Variants in TBCD observed in about 807,000 individuals in gnomAD.
The protein encoded by TBCD is tubulin folding cofactor D.
In TBCD, 105 loss-of-function variants were observed where a neutral mutation model predicts 169.3. The observed-to-expected ratio is 0.62, with a 90% CI of 0.53 to 0.73. TBCD has a LOEUF of 0.73. TBCD is among the 30% of genes least tolerant of loss of function. TBCD has a pLI of 0.00. For missense variants in TBCD, 1,444 were observed against 1,600.1 expected (o/e 0.90, Z 1.66); for synonymous variants, 700 against 643.9 (o/e 1.09, Z -1.32).
At chr17:82,838,976 C>T (rs2054224689) in intron 13 of TBCD, 3 of 985,204 alleles carry the variant, frequency 3.0e-6, no homozygotes, top group Non-Finnish European at 3.6e-6. Flanking sequence ...AATTGTTCTC[C>T]TCCAAATCAA....
At chr17:82,900,366 G>C (rs1462585013) in intron 17 of TBCD, among the ~76,000 whole-genome samples, 1 of 152,198 alleles carries the variant, frequency 6.6e-6, no homozygotes, top group East Asian at 1.9e-4. Context: ...CTGAGTATTC[G>C]ATTGTGTGGA....
In TBCD at chr17:82,898,079, G is replaced by A. The variant is rs141250984; in HGVS notation, c.1650-2572G>A. Among the ~76,000 whole-genome samples, 540 of 148,948 alleles carry A rather than the reference G, an allele frequency of 3.6e-3. 2 individuals carry two copies. The highest frequency in any genetic ancestry group is 6.6e-3 in the Admixed American group (99 of 14,928). The stretch of plus-strand genomic sequence containing the variant: ...TGGTGTGAGCACATGGCATGGCTCT[G>A]GGTTTTGGTGTGAGCACACGGCATG... On this transcript the variant is annotated intron_variant, in intron 17 of 38. Coordinates refer to ENST00000355528, the MANE Select transcript of TBCD (RefSeq NM_005993.5).
At chr17:82,872,920 G>A (rs2057695292) in intron 14 of TBCD, among the ~76,000 whole-genome samples, 1 of 143,830 alleles carries the variant, frequency 7.0e-6, no homozygotes, top group Non-Finnish European at 1.5e-5. Context: ...CCGGCACCTC[G>A]TGGCCGACGG....
intron 11 of TBCD, among the ~76,000 whole-genome samples, chr17:82,809,491 C>T (rs4986110): frequency 0.37 from 55,852 of 152,054 alleles, 10,508 homozygotes; most frequent in Middle Eastern, 0.41. Flanking sequence ...GCCGCGTGTG[C>T]TCACTCGTCC....
chr17:82,819,466 C>T (rs998238115), intron 13 of TBCD, among the ~76,000 whole-genome samples: 12 of 152,192 alleles, frequency 7.9e-5, no homozygotes, highest in African/African-American at 2.9e-4. Flanking sequence ...CACACCACCA[C>T]GCCCAGCTAA....
chr17:82,828,973 A>G (rs1229373803), intron 13 of TBCD, among the ~76,000 whole-genome samples: 1 of 139,906 alleles, frequency 7.1e-6, no homozygotes. Context: ...GCATACCCAC[A>G]CAATCCCATA....
At chr17:82,764,349 A>G (rs1279060712) in intron 3 of TBCD, among the ~76,000 whole-genome samples, 3 of 152,184 alleles carry the variant, frequency 2.0e-5, no homozygotes, top group African/African-American at 7.2e-5. Flanking sequence ...AAAACTTCTT[A>G]CAAGGAGAAA....
intron 36 of TBCD, among the ~76,000 whole-genome samples, chr17:82,938,796 T>C (rs1023055602): frequency 1.6e-5 from 2 of 122,426 alleles, no homozygotes; most frequent in African/African-American, 5.7e-5. Context: ...ATTGCTTCCC[T>C]GATGAAAAGA....
At chr17:82,800,014 C>T (rs2050388854) in intron 8 of TBCD, among the ~76,000 whole-genome samples, 1 of 152,140 alleles carries the variant, frequency 6.6e-6, no homozygotes, top group African/African-American at 2.4e-5. Flanking sequence ...GCAGCTCCAG[C>T]CCCCATCCCC....
At chr17:82,757,449 T>C (rs1283806259) in intron 2 of TBCD, among the ~76,000 whole-genome samples, 3 of 151,992 alleles carry the variant, frequency 2.0e-5, no homozygotes, top group Admixed American at 6.6e-5. Context: ...GATGAAACCC[T>C]GTCTCTACTA....
At chr17:82,893,180 G>A (rs2059262465) in intron 16 of TBCD, 1 of 249,252 alleles carries the variant, frequency 4.0e-6, no homozygotes, top group South Asian at 5.6e-5. Context: ...TGTGGCATGG[G>A]GCTCAGGCCG....
chr17:82,889,999 G>A lies in TBCD; in HGVS notation c.1563+302G>A, dbSNP rs375874439. Among the ~76,000 whole-genome samples, 4 of 152,150 alleles carry A rather than the reference G, an allele frequency of 2.6e-5. No homozygotes were observed. Among genetic ancestry groups the A allele is most frequent in the African/African-American group, 9.7e-5 (4 of 41,450 alleles). On this transcript the variant is annotated intron_variant, in intron 16 of 38. Transcript: ENST00000355528. The surrounding 1 kb of genome is among the most constrained non-coding windows in gnomAD (Gnocchi z 5.3). ...GTCCCTGGGACCAGCCTGGCCTTGC[G>A]GGGACGCAGACCTGACCCCGCCTCA...
intron 34 of TBCD, among the ~76,000 whole-genome samples, chr17:82,934,258 G>A (rs994535327): frequency 2.0e-5 from 3 of 152,172 alleles, no homozygotes; most frequent in Non-Finnish European, 2.9e-5. Flanking sequence ...CTTAACCTTC[G>A]GGCGGGAGGC....
At chr17:82,791,657 G>C (rs2049738828) in intron 7 of TBCD, among the ~76,000 whole-genome samples, 1 of 152,194 alleles carries the variant, frequency 6.6e-6, no homozygotes, top group Non-Finnish European at 1.5e-5. Context: ...GTTTAAGCTG[G>C]AATACTGTAA....
chr17:82,774,272 C>G (rs1170644577), intron 6 of TBCD, among the ~76,000 whole-genome samples: 1 of 152,162 alleles, frequency 6.6e-6, no homozygotes, highest in Admixed American at 6.5e-5. Flanking sequence ...ATGCTGCCTT[C>G]AAGCATCTGT....
intron 19 of TBCD, among the ~76,000 whole-genome samples, chr17:82,905,526 C>T (rs545218001): frequency 0.013 from 1,695 of 134,510 alleles, 47 homozygotes; most frequent in African/African-American, 0.03. Flanking sequence ...TGTGTGGGTG[C>T]GTGTGGGCTT....
intron 13 of TBCD, among the ~76,000 whole-genome samples, chr17:82,866,003 T>C (rs945406660): frequency 3.9e-5 from 6 of 152,242 alleles, no homozygotes; most frequent in African/African-American, 1.4e-4. Context: ...CTGTGTGTAA[T>C]TGGAACCATG....
At chr17:82,803,426 C>T (rs963288271) in intron 9 of TBCD, among the ~76,000 whole-genome samples, 4 of 152,208 alleles carry the variant, frequency 2.6e-5, no homozygotes, top group Non-Finnish European at 5.9e-5. Context: ...GTCTGAGTCT[C>T]GCCTTGTGCT....
chr17:82,752,385 G>A lies in TBCD; in HGVS notation c.184+8G>A. 4 of 1,234,200 alleles carry A rather than the reference G, an allele frequency of 3.2e-6. No individual in the cohort carries two copies. The highest frequency in any genetic ancestry group is 4.0e-6 in the Non-Finnish European group (4 of 991,244). The allele number at this position is 1,234,200 out of a possible 1,614,324, so 76.5% of individuals were successfully genotyped here. Reference sequence around the variant, plus strand: ...CCCTGGAGCGGTTCCGCGGTGCGTGGGCGGCGCCGCGTGCCCGCTTCCTCC... The same window carrying A: ...CCCTGGAGCGGTTCCGCGGTGCGTGAGCGGCGCCGCGTGCCCGCTTCCTCC... On this transcript the variant is annotated splice_region_variant and intron_variant, in intron 1 of 38. Transcript: ENST00000355528.
Sources: allele counts gnomAD v4.1 joint callset (sites outside exome capture counted in the v4.1 genomes callset), GRCh38; gene constraint gnomAD v4.1.1; non-coding constraint Gnocchi (gnomAD v3.1); transcripts MANE v1.5; gene names NCBI Gene and HGNC (gene_info 2026-07-23, HGNC 2026-07-21).